MYOF: variants seen among roughly 807,000 people sequenced by gnomAD.
The protein encoded by MYOF is fer-1-like 3, myoferlin.
Under a neutral mutation model 284.2 loss-of-function variants are expected in MYOF, and 244 were observed. That is an observed-to-expected ratio of 0.86 (90% CI 0.77 to 0.95). The LOEUF (loss-of-function observed/expected upper bound fraction) is 0.95, where lower values mean the gene tolerates loss of function less well. MYOF is among the 40% of genes least tolerant of loss of function. The pLI is 0.00. For synonymous variants in MYOF, 904 were observed against 919.7 expected (o/e 0.98, Z 0.31); for missense variants, 2,496 against 2,560.6 (o/e 0.97, Z 0.54).
At position 93,392,487 on chromosome 10, in the gene MYOF, G is replaced by A. The variant is rs1030894340; in HGVS notation, c.1456+430C>T. Among the ~76,000 whole-genome samples the A allele has an allele frequency of 4.6e-5, 7 of 152,320 alleles. No individual in the cohort carries two copies. In the East Asian group the frequency reaches 1.4e-3, roughly 29 times the overall value. ...TATGATCCCTCATTTTGGGGGAGGT[G>A]AAGATCTTCAGGGTGCAAAGTAAAA... On this transcript the variant is annotated intron_variant, in intron 17 of 53. Coordinates refer to ENST00000359263, the MANE Select transcript of MYOF (RefSeq NM_013451.4).
At chr10:93,422,177 C>T (rs1848382360) in intron 5 of MYOF, among the ~76,000 whole-genome samples, 1 of 152,212 alleles carries the variant, frequency 6.6e-6, no homozygotes, top group African/African-American at 2.4e-5. Context: ...AATAAAATTG[C>T]CCTGCAGACA....
chr10:93,321,796 T>C (rs56115922), intron 48 of MYOF, among the ~76,000 whole-genome samples: 7,280 of 152,274 alleles, frequency 0.048, 592 homozygotes, highest in African/African-American at 0.17. Context: ...TTTGTGTGCA[T>C]GTATGTATAT....
chr10:93,426,167 A>T lies in MYOF; in HGVS notation c.346-9T>A. On this transcript the variant is annotated splice_polypyrimidine_tract_variant and intron_variant, in intron 4 of 53. Transcript: ENST00000359263. ...ACCAAGTCAATGGTGGCCTGGGTAG[A>T]AATAATTCGTTGCAAATATTATCAG... The T allele has an allele frequency of 6.4e-7, 1 of 1,553,628 alleles. No individual in the cohort carries two copies. The highest frequency in any genetic ancestry group is 1.2e-5 in the South Asian group (1 of 84,164).
In MYOF at chr10:93,349,879, C is replaced by G; in HGVS notation, c.4012G>C (p.Val1338Leu). 1 of 1,614,122 alleles carries G rather than the reference C, an allele frequency of 6.2e-7. No individual in the cohort carries two copies. Among genetic ancestry groups the G allele is most frequent in the Non-Finnish European group, 8.5e-7 (1 of 1,180,026 alleles). The part of the protein sequence containing the change: ...SLVVECGGER[V>L]ESVVIKNLKK... ...AGGTTTTTGATCACCACCGATTCCA[C>G]CCTTTCTCCTCCACACTCCACAACA... Residue 1338 changes from valine to leucine, a missense_variant, in exon 36 of 54, where the codon GTG becomes CTG. This residue lies in a region of MYOF where 2,436 missense variants were observed against 2,480.7 expected (regional missense o/e 0.98). Transcript: ENST00000359263.
intron 3 of MYOF, among the ~76,000 whole-genome samples, chr10:93,440,620 G>A (rs972106432): frequency 6.6e-6 from 1 of 152,160 alleles, no homozygotes; most frequent in African/African-American, 2.4e-5. Context: ...CCAGTGTCTA[G>A]AGCTGTGTCT....
rs551906754 is a variant in MYOF at position 93,393,503 on chromosome 10, C to G, written c.1418-548G>C. 5.3e-5 allele frequency among the ~76,000 whole-genome samples: 8 copies of G among 152,330 alleles called. No individual in the cohort carries two copies. The South Asian group carries it at 1.7e-3, about 32-fold the overall frequency. The stretch of plus-strand genomic sequence containing the variant: ...CAATGAGAGGCCCCAGAGACAGAAG[C>G]TAAAACTGCTTGTAGCAATCTCTGT... On this transcript the variant is annotated intron_variant, in intron 16 of 53. Transcript: ENST00000359263.
chr10:93,344,492 A>G (rs1239487166), intron 37 of MYOF, among the ~76,000 whole-genome samples: 1 of 152,120 alleles, frequency 6.6e-6, no homozygotes, highest in Non-Finnish European at 1.5e-5. Context: ...ATAAGTGAGA[A>G]CATACAGAGA....
chr10:93,310,384 C>A, intron 52 of MYOF, 150 bp downstream of exon 52: 1 of 989,906 alleles, frequency 1.0e-6, no homozygotes, highest in Admixed American at 2.9e-5. Flanking sequence ...AAAATGAAGC[C>A]AGATCACCAA....
intron 41 of MYOF, among the ~76,000 whole-genome samples, chr10:93,335,338 A>T (rs1166370868): frequency 6.6e-6 from 1 of 151,986 alleles, no homozygotes; most frequent in Non-Finnish European, 1.5e-5. Flanking sequence ...GTAGCTTGGG[A>T]AAGACTGGCT....
chr10:93,353,966 A>C, intron 31 of MYOF, 78 bp from the exon 32 acceptor site: 3 of 1,179,460 alleles, frequency 2.5e-6, no homozygotes, highest in Non-Finnish European at 3.7e-6. Flanking sequence ...TTTGGAAAAA[A>C]TACATGTTTC....
At chr10:93,308,340 G>A (rs906696618) in intron 53 of MYOF, among the ~76,000 whole-genome samples, 2 of 150,886 alleles carry the variant, frequency 1.3e-5, no homozygotes, top group South Asian at 4.2e-4. Context: ...ATCCTAGCAC[G>A]TTGGGAGGCT....
intron 19 of MYOF, among the ~76,000 whole-genome samples, chr10:93,387,263 C>T (rs1037394970): frequency 2.6e-5 from 4 of 152,140 alleles, no homozygotes; most frequent in African/African-American, 9.7e-5. Flanking sequence ...CAAGGAGGGC[C>T]GCGGGCAGAG....
Position 93,424,307 on chromosome 10 carries a change from C to T in MYOF, c.433+1764G>A, listed in dbSNP as rs1422765284. On this transcript the variant is annotated intron_variant, in intron 5 of 53. Coordinates refer to ENST00000359263, the MANE Select transcript of MYOF (RefSeq NM_013451.4). Reference sequence around the variant, plus strand: ...GCTGCCTTGTGCAGGCCAGAAAGCGCCTAGTGCCTTTCCCACACAGATACA... The same window carrying T: ...GCTGCCTTGTGCAGGCCAGAAAGCGTCTAGTGCCTTTCCCACACAGATACA... Among the ~76,000 whole-genome samples, 3 of 152,192 alleles carry T rather than the reference C, an allele frequency of 2.0e-5. No individual in the cohort carries two copies. In the East Asian group the frequency reaches 5.8e-4, roughly 29 times the overall value.
chr10:93,308,252 AAAAAAT>A (rs1842217862), intron 53 of MYOF, among the ~76,000 whole-genome samples: 1 of 144,816 alleles, frequency 6.9e-6, no homozygotes. Context: ...CAAAAAAAAT[AAAAAAT>A]AAAAAAAATA....
rs1486895254 is a variant in MYOF, at chr10:93,401,558, A to G, written c.991-14T>C. 2 of 1,612,978 alleles carry G rather than the reference A, an allele frequency of 1.2e-6. No homozygotes were observed. The highest frequency in any genetic ancestry group is 1.7e-6 in the Non-Finnish European group (2 of 1,179,690). ...TCGTCTCTCAGGCTATTAGGGGCAC[A>G]TGATTTAAATTATACATACAGAAAA... On this transcript the variant is annotated splice_polypyrimidine_tract_variant and intron_variant, in intron 11 of 53. Transcript: ENST00000359263.
At chr10:93,404,331 A>G (rs1847447202) in intron 7 of MYOF, 112 bp from the exon 8 acceptor site, 4 of 1,118,300 alleles carry the variant, frequency 3.6e-6, no homozygotes, top group Non-Finnish European at 5.2e-6. Flanking sequence ...CAAATTCAAA[A>G]TTAGGTTTGA....
At chr10:93,477,657 A>G (rs200281779) in intron 1 of MYOF, among the ~76,000 whole-genome samples, 10 of 145,862 alleles carry the variant, frequency 6.9e-5, no homozygotes, top group East Asian at 6.3e-4. Flanking sequence ...GACCAGCCTG[A>G]CCAACATGGT....
chr10:93,356,945 T>C, intron 29 of MYOF, 97 bp from the exon 30 acceptor site: 2 of 1,252,586 alleles, frequency 1.6e-6, no homozygotes, highest in Non-Finnish European at 2.2e-6. Context: ...AGATACACAG[T>C]ATTCAAAATC....
intron 7 of MYOF, 34 bp downstream of exon 7, chr10:93,408,753 C>T (rs1847753106): frequency 6.2e-7 from 1 of 1,613,376 alleles, no homozygotes; most frequent in South Asian, 1.1e-5. Flanking sequence ...CAGTGGGACT[C>T]ATGAGCAGAA....
Sources: gnomAD v4.1 joint callset for allele counts (sites outside exome capture counted in the v4.1 genomes callset) on GRCh38, gnomAD v4.1.1 for gene constraint, gnomAD v4.1.1 regional missense constraint, MANE v1.5 for transcripts, NCBI Gene and HGNC (gene_info 2026-07-23, HGNC 2026-07-21) for gene names.